NAPG: variants seen among roughly 807,000 people sequenced by gnomAD.
NAPG encodes the protein gamma-soluble NSF attachment protein.
Under a neutral mutation model 48.4 loss-of-function variants are expected in NAPG, and 25 were observed. The ratio of observed to expected loss-of-function variants is 0.52; its 90% CI spans 0.38 to 0.72. The LOEUF (loss-of-function observed/expected upper bound fraction) is 0.72, where lower values mean the gene tolerates loss of function less well. Ranked by LOEUF, NAPG falls within the 30% of genes least tolerant of loss-of-function variation. The pLI, the probability that NAPG is intolerant of heterozygous loss-of-function variation, is 0.00. For missense variants in NAPG, 359 were observed against 372.5 expected (o/e 0.96, Z 0.30); for synonymous variants, 139 against 127.2 (o/e 1.09, Z -0.62).
chr18:10,548,441 T>C lies in NAPG; in HGVS notation c.665+63T>C. ...GACACCTCTGTGTCTACAACTAAGA[T>C]TGCTGCTAGGACACATGTTCCTGGC... On this transcript the variant is annotated intron_variant, in intron 10 of 11. Transcript: ENST00000322897. This position sits in a 1 kb window ranked among gnomAD's most constrained non-coding sequence, Gnocchi z 4.4. 1 of 1,306,554 alleles carries C rather than the reference T, an allele frequency of 7.7e-7. No homozygotes were observed. The highest frequency in any genetic ancestry group is 1.2e-5 in the South Asian group (1 of 83,274). 80.9% of individuals were successfully genotyped at this position (1,306,554 alleles called of 1,614,324 possible). A position where few individuals can be genotyped will look rare whatever the true frequency, so the allele number is the denominator to read the frequency against.
At position 10,550,299 on chromosome 18, in the gene NAPG, G is replaced by A. The variant is rs2032361557; in HGVS notation, c.*79G>A. 2.1e-6 allele frequency: 3 copies of A among 1,431,156 alleles called. No individual in the cohort carries two copies. The highest frequency in any genetic ancestry group is 2.8e-5 in the Admixed American group (1 of 35,152). 88.7% of individuals were successfully genotyped at this position (1,431,156 alleles called of 1,614,324 possible). A position where few individuals can be genotyped will look rare whatever the true frequency, so the allele number is the denominator to read the frequency against. On this transcript the variant is annotated 3_prime_UTR_variant, in exon 12 of 12. Coordinates refer to ENST00000322897, the MANE Select transcript of NAPG (RefSeq NM_003826.3). Reference sequence around the variant, plus strand: ...TTTCAAGGACTTGGGAATAGATTAGGGATATCCGTACTTCATTACAGTCAT... The same window carrying A: ...TTTCAAGGACTTGGGAATAGATTAGAGATATCCGTACTTCATTACAGTCAT...
chr18:10,540,637 T>G (rs992298125), intron 8 of NAPG: 1 of 359,038 alleles, frequency 2.8e-6, no homozygotes, highest in African/African-American at 2.1e-5. Context: ...CTTTTATTGG[T>G]TGAACCCTGG....
chr18:10,528,835 T>C (rs1218913130), intron 1 of NAPG, among the ~76,000 whole-genome samples: 3 of 151,930 alleles, frequency 2.0e-5, no homozygotes, highest in Non-Finnish European at 2.9e-5. Flanking sequence ...CTAGACAGAG[T>C]TACTCAGTGG....
Position 10,548,530 on chromosome 18 carries a change from G to A in NAPG, c.665+152G>A, listed in dbSNP as rs117885635. Among the ~76,000 whole-genome samples the A allele has an allele frequency of 1.1e-3, 163 of 149,432 alleles. No homozygotes were observed. The East Asian group carries it at 0.018, about 17-fold the overall frequency. ...TACCATTTCATCTTTTACAGTGGGT[G>A]TTTTACACCTTTTTTTTTTTTCCCT... On this transcript the variant is annotated intron_variant, in intron 10 of 11. Transcript: ENST00000322897. The surrounding 1 kb of genome is among the most constrained non-coding windows in gnomAD (Gnocchi z 4.4).
intron 5 of NAPG, among the ~76,000 whole-genome samples, chr18:10,537,098 A>G (rs1190021273): frequency 6.6e-6 from 1 of 151,958 alleles, no homozygotes; most frequent in Non-Finnish European, 1.5e-5. Context: ...CTGGGACTAT[A>G]GGTGCATGTC....
chr18:10,549,438 T>C (rs547010), intron 11 of NAPG, among the ~76,000 whole-genome samples: 59,399 of 152,076 alleles, frequency 0.39, 12,067 homozygotes, highest in African/African-American at 0.5. Flanking sequence ...CTGAAAGAGG[T>C]CCATTCTGTA....
chr18:10,527,566 C>G (rs2031844599), intron 1 of NAPG, among the ~76,000 whole-genome samples: 1 of 152,176 alleles, frequency 6.6e-6, no homozygotes, highest in Admixed American at 6.5e-5. Context: ...GCTGTATTAA[C>G]TGTGCATAGG....
Position 10,550,117 on chromosome 18 carries a change from G to C in NAPG, c.836G>C (p.Gly279Ala). 1.3e-6 allele frequency: 2 copies of C among 1,575,028 alleles called. No individual in the cohort carries two copies. Among genetic ancestry groups the C allele is most frequent in the Non-Finnish European group, 1.7e-6 (2 of 1,164,172 alleles). Residue 279 changes from glycine to alanine, a missense_variant, in exon 12 of 12, where the codon GGA becomes GCA. Coordinates refer to ENST00000322897, the MANE Select transcript of NAPG (RefSeq NM_003826.3). Reference protein sequence around the residue: ...LGLSLVVPGGGIKKKSPATPQ... With the variant: ...LGLSLVVPGGAIKKKSPATPQ... ...CTGAGTTTGGTGGTTCCAGGAGGGGGAATCAAGAAGAAATCACCTGCAACA... is the reference window on the plus strand; with the variant it reads ...CTGAGTTTGGTGGTTCCAGGAGGGGCAATCAAGAAGAAATCACCTGCAACA...
chr18:10,549,831 A>T (rs1293257359), intron 11 of NAPG, among the ~76,000 whole-genome samples: 2 of 152,050 alleles, frequency 1.3e-5, no homozygotes, highest in East Asian at 3.9e-4. Flanking sequence ...AGGTTTTGAA[A>T]ATATATATAT....
chr18:10,532,101 A>C (rs1253936236), intron 2 of NAPG, among the ~76,000 whole-genome samples: 1 of 152,204 alleles, frequency 6.6e-6, no homozygotes, highest in Non-Finnish European at 1.5e-5. Flanking sequence ...ATATGTTATA[A>C]GCACTCCTGT....
At chr18:10,529,374 T>A (rs980792991) in intron 1 of NAPG, among the ~76,000 whole-genome samples, 5 of 152,268 alleles carry the variant, frequency 3.3e-5, no homozygotes, top group African/African-American at 1.2e-4. Context: ...GAAAAATTGC[T>A]TATTTTAATT....
At chr18:10,536,747 ACT>A (rs1206498600) in intron 5 of NAPG, among the ~76,000 whole-genome samples, 1 of 151,786 alleles carries the variant, frequency 6.6e-6, no homozygotes, top group Non-Finnish European at 1.5e-5. Flanking sequence ...ACTGGGTAAA[ACT>A]CATGACGAAT....
chr18:10,549,897 C>T (rs1263637600), intron 11 of NAPG, among the ~76,000 whole-genome samples, 180 bp from the exon 12 acceptor site: 1 of 151,866 alleles, frequency 6.6e-6, no homozygotes, highest in Non-Finnish European at 1.5e-5. Context: ...AGTTGTGTAC[C>T]TGTCCCACCA....
chr18:10,530,633 C>T (rs967935840), intron 1 of NAPG, 137 bp from the exon 2 acceptor site: 14 of 483,318 alleles, frequency 2.9e-5, no homozygotes, highest in Admixed American at 4.3e-5. Context: ...TGGATGGAGG[C>T]GGGTGACACA....
In NAPG at chr18:10,539,637, A is replaced by G. The variant is rs2032105565; in HGVS notation, c.259-125A>G. 3.9e-6 allele frequency: 3 copies of G among 773,510 alleles called. No individual in the cohort carries two copies. In the East Asian group the frequency reaches 8.1e-5, roughly 21 times the overall value. The allele number at this position is 773,510 out of a possible 1,614,324, so 47.9% of individuals were successfully genotyped here. On this transcript the variant is annotated intron_variant, in intron 5 of 11. Transcript: ENST00000322897. The surrounding 1 kb of genome is among the most constrained non-coding windows in gnomAD (Gnocchi z 4.7). The stretch of plus-strand genomic sequence containing the variant: ...TGGGACATGTATACCTATGTAACAA[A>G]CCTGCACATTCTGCACATGTGTCCC...
At chr18:10,549,786 T>C (rs2032347909) in intron 11 of NAPG, among the ~76,000 whole-genome samples, 3 of 152,164 alleles carry the variant, frequency 2.0e-5, no homozygotes, top group Non-Finnish European at 1.5e-5. Flanking sequence ...TAATGATATA[T>C]GTAGATAATT....
Position 10,530,789 on chromosome 18 carries a change from A to C in NAPG, c.76A>C (p.Lys26Gln). 6.3e-7 allele frequency: 1 copy of C among 1,581,346 alleles called. No individual in the cohort carries two copies. The highest frequency in any genetic ancestry group is 8.6e-7 in the Non-Finnish European group (1 of 1,164,232). ...TTCTAGCCTGAAAACTGGTTTTTTA[A>C]AATGGAAGCCAGATTATGACAGTGC... ...AEKYLKTGFL[K>Q]WKPDYDSAAS... Residue 26 changes from lysine to glutamine, a missense_variant, in exon 2 of 12, where the codon AAA (lysine) becomes CAA (glutamine). Transcript: ENST00000322897.
intron 11 of NAPG, 111 bp downstream of exon 11, chr18:10,549,207 T>A: frequency 7.7e-7 from 1 of 1,299,534 alleles, no homozygotes; most frequent in South Asian, 1.5e-5. Context: ...CCTCTTTTTT[T>A]CTTCTCAAGC....
Position 10,527,818 on chromosome 18 carries a change from A to C in NAPG, c.56+1660A>C, listed in dbSNP as rs146231086. On this transcript the variant is annotated intron_variant, in intron 1 of 11. Transcript: ENST00000322897. ...GAAAAAGAGTTGGGGCCAGACTGTG[A>C]AGGGACAGCTTCTCACATGGCTATT... Among the ~76,000 whole-genome samples the C allele has an allele frequency of 4.5e-3, 679 of 152,274 alleles. 4 individuals carry two copies. The highest frequency in any genetic ancestry group is 6.8e-3 in the Non-Finnish European group (460 of 68,022).
Sources: allele counts gnomAD v4.1 joint callset (sites outside exome capture counted in the v4.1 genomes callset), GRCh38; gene constraint gnomAD v4.1.1; non-coding constraint Gnocchi (gnomAD v3.1); transcripts MANE v1.5; gene names NCBI Gene and HGNC (gene_info 2026-07-23, HGNC 2026-07-21).